Variants in ADAMTS2 observed in about 807,000 individuals in gnomAD.
The protein encoded by ADAMTS2 is ADAM metallopeptidase with thrombospondin type 1 motif 2.
A neutral mutation model predicts 123.0 loss-of-function variants in ADAMTS2; 50 were observed. The observed-to-expected ratio is 0.41, with a 90% CI of 0.32 to 0.51. The LOEUF is 0.51. Ranked by LOEUF, ADAMTS2 falls within the 20% of genes least tolerant of loss-of-function variation. The pLI is 0.35. For synonymous variants in ADAMTS2, 678 were observed against 695.4 expected, an observed-to-expected ratio of 0.98 and a Z score of 0.39; for missense variants, 1,494 against 1,705.2, an observed-to-expected ratio of 0.88 and a Z score of 2.18.
intron 2 of ADAMTS2, among the ~76,000 whole-genome samples, chr5:179,309,184 C>T (rs932434540): frequency 1.3e-5 from 2 of 152,248 alleles, no homozygotes; most frequent in Non-Finnish European, 1.5e-5. Flanking sequence ...TAGGAGCCAG[C>T]ATGCCTCCCA....
rs374826817 is a variant in ADAMTS2, at chr5:179,125,180, C to T, written c.2751G>A (p.Val917=). Reference sequence around the variant, plus strand: ...ATGGCTCCCATTCGCCTGTGACCCACCTGCCAGGGCAGAGCGGGGCACAGT... The same window carrying T: ...ATGGCTCCCATTCGCCTGTGACCCATCTGCCAGGGCAGAGCGGGGCACAGT... ...ACNPQECSQP[V]WVTGEWEPCS... is the part of the protein sequence containing the mutation. Residue 917 remains valine, a splice_region_variant and synonymous_variant, in exon 19 of 22, where the codon GTG becomes GTA. Transcript: ENST00000251582. 1.2e-6 allele frequency: 2 copies of T among 1,612,220 alleles called. No homozygotes were observed. The highest frequency in any genetic ancestry group is 1.1e-5 in the South Asian group (1 of 91,078).
chr5:179,329,867 C>A (rs1757433174), intron 2 of ADAMTS2, among the ~76,000 whole-genome samples: 1 of 152,164 alleles, frequency 6.6e-6, no homozygotes, highest in African/African-American at 2.4e-5. Context: ...TGGCTCACGC[C>A]TGTAATCCCA....
chr5:179,233,993 T>C (rs1765471178), intron 3 of ADAMTS2, among the ~76,000 whole-genome samples: 1 of 151,996 alleles, frequency 6.6e-6, no homozygotes, highest in Admixed American at 6.5e-5. Flanking sequence ...GGTAGTGGTG[T>C]CACTAAACAC....
chr5:179,334,185 C>T (rs1757550692), intron 2 of ADAMTS2, among the ~76,000 whole-genome samples: 1 of 152,194 alleles, frequency 6.6e-6, no homozygotes, highest in Admixed American at 6.5e-5. Flanking sequence ...GAACAGGGTC[C>T]TGTTCTTCCA....
intron 3 of ADAMTS2, among the ~76,000 whole-genome samples, chr5:179,229,987 G>A (rs1444930656): frequency 6.6e-6 from 1 of 152,064 alleles, no homozygotes; most frequent in Admixed American, 6.5e-5. Flanking sequence ...ACATCCCTGC[G>A]CCTTGGCACA....
intron 2 of ADAMTS2, among the ~76,000 whole-genome samples, chr5:179,284,160 C>T (rs1362229863): frequency 1.3e-5 from 2 of 150,770 alleles, no homozygotes; most frequent in Non-Finnish European, 3.0e-5. Context: ...GAAACCCCGT[C>T]TCTACTAAAA....
intron 4 of ADAMTS2, among the ~76,000 whole-genome samples, chr5:179,198,708 C>T (rs549765700): frequency 2.6e-5 from 4 of 152,274 alleles, no homozygotes; most frequent in East Asian, 1.9e-4. Context: ...GCGGCACGTG[C>T]CAGTAGTCCC....
chr5:179,276,400 G>A (rs372503611), intron 2 of ADAMTS2, among the ~76,000 whole-genome samples: 11 of 152,172 alleles, frequency 7.2e-5, no homozygotes, highest in African/African-American at 1.7e-4. Context: ...GGGCGGCAGC[G>A]GGCAAGCTGT....
At chr5:179,288,672 C>T (rs535165518) in intron 2 of ADAMTS2, among the ~76,000 whole-genome samples, 54 of 152,324 alleles carry the variant, frequency 3.5e-4, no homozygotes, top group Non-Finnish European at 6.8e-4. Context: ...ACTGGAGAGC[C>T]GGAGCAGCGA....
chr5:179,114,270 C>T lies in ADAMTS2; in HGVS notation c.3233G>A (p.Arg1078His), dbSNP rs752742612. Residue 1078 changes from arginine (R) to histidine (H), a missense_variant, in exon 22 of 22, where the codon CGC (arginine) becomes CAC (histidine). Arg to His is a conservative substitution (Grantham distance 29). Transcript: ENST00000251582. ...SIFCRMEVLS[R>H]YCSIPGYNKL... is the part of the protein sequence containing the mutation. ...GTTGTAGCCTGGGATGGAGCAATAG[C>T]GGGACAAGACTTCCATCCTACAGAA... 1.4e-5 allele frequency: 22 copies of T among 1,613,978 alleles called. No individual in the cohort carries two copies. Among genetic ancestry groups the T allele is most frequent in the Admixed American group, 3.3e-5 (2 of 59,992 alleles).
intron 2 of ADAMTS2, among the ~76,000 whole-genome samples, chr5:179,309,021 G>A (rs115178105): frequency 0.029 from 4,424 of 152,308 alleles, 234 homozygotes; most frequent in African/African-American, 0.1. Flanking sequence ...GGTCTCTTCC[G>A]CTGCCCTGGC....
At chr5:179,329,115 CAGG>C (rs1189703726) in intron 2 of ADAMTS2, among the ~76,000 whole-genome samples, 3 of 152,116 alleles carry the variant, frequency 2.0e-5, no homozygotes, top group Non-Finnish European at 4.4e-5. Flanking sequence ...ATCACGAGGT[CAGG>C]AGATGGAGAC....
At chr5:179,138,027 G>A (rs1027379071) in intron 11 of ADAMTS2, 83 bp from the exon 12 acceptor site, 3 of 1,468,342 alleles carry the variant, frequency 2.0e-6, no homozygotes, top group Admixed American at 2.0e-5. Context: ...TCTTTTTAGG[G>A]GGGATCCCTA....
At chr5:179,179,772 T>G (rs1764005233) in intron 5 of ADAMTS2, among the ~76,000 whole-genome samples, 1 of 152,112 alleles carries the variant, frequency 6.6e-6, no homozygotes, top group South Asian at 2.1e-4. Flanking sequence ...TACTTAGTAT[T>G]CCTGGGATCC....
chr5:179,334,014 C>T (rs1045707558), intron 2 of ADAMTS2, among the ~76,000 whole-genome samples: 1 of 152,180 alleles, frequency 6.6e-6, no homozygotes, highest in Non-Finnish European at 1.5e-5. Flanking sequence ...GTGCCACCAC[C>T]TCAGAGCAGC....
chr5:179,189,732 C>T lies in ADAMTS2; in HGVS notation c.892-8577G>A, dbSNP rs1372296180. 1.4e-5 allele frequency among the ~76,000 whole-genome samples: 2 copies of T among 145,832 alleles called. No individual in the cohort carries two copies. The highest frequency in any genetic ancestry group is 1.4e-4 in the Admixed American group (2 of 13,952). ...AGGGCGGAAGAATATTACAAAATAT[C>T]TTCTTAAGGTAGGGGGGGACAATAT... On this transcript the variant is annotated intron_variant, in intron 4 of 21. Coordinates refer to ENST00000251582, the MANE Select transcript of ADAMTS2 (RefSeq NM_014244.5). The surrounding 1 kb of genome is among the most constrained non-coding windows in gnomAD (Gnocchi z 4.2).
At chr5:179,133,726 C>CTTT (rs58209465) in intron 13 of ADAMTS2, among the ~76,000 whole-genome samples, 2 of 144,600 alleles carry the variant, frequency 1.4e-5, no homozygotes, top group African/African-American at 5.0e-5. Context: ...TTAACCTATT[C>CTTT]TTTTTTTTTT....
chr5:179,319,542 G>A (rs903615620), intron 2 of ADAMTS2, among the ~76,000 whole-genome samples: 2 of 152,006 alleles, frequency 1.3e-5, no homozygotes, highest in African/African-American at 2.4e-5. Context: ...CCACACACAT[G>A]CACTCACTCA....
intron 3 of ADAMTS2, among the ~76,000 whole-genome samples, chr5:179,216,979 C>G (rs1032655834): frequency 2.0e-5 from 3 of 152,202 alleles, no homozygotes; most frequent in Non-Finnish European, 4.4e-5. Flanking sequence ...CCAGTGCCCT[C>G]CTTGGACTGA....
Sources: gnomAD v4.1 joint callset for allele counts (sites outside exome capture counted in the v4.1 genomes callset) on GRCh38, gnomAD v4.1.1 for gene constraint, Gnocchi (gnomAD v3.1) non-coding constraint, MANE v1.5 for transcripts, NCBI Gene and HGNC (gene_info 2026-07-23, HGNC 2026-07-21) for gene names.